ARL14EP: variants seen among roughly 807,000 people sequenced by gnomAD.
ARL14EP encodes the protein ARL14 effector protein.
ARL14EP carries 12 observed loss-of-function variants against 23.1 expected under a neutral mutation model. The ratio of observed to expected loss-of-function variants is 0.52; its 90% CI spans 0.33 to 0.84. The LOEUF (loss-of-function observed/expected upper bound fraction) is 0.84, where lower values mean the gene tolerates loss of function less well. Among genes scored for constraint, ARL14EP ranks in the 40% least tolerant of loss-of-function variants. The pLI, the probability that ARL14EP is intolerant of heterozygous loss-of-function variation, is 0.02. For missense variants in ARL14EP, 253 were observed against 307.3 expected, an observed-to-expected ratio of 0.82 and a Z score of 1.32; for synonymous variants, 97 against 102.0, an observed-to-expected ratio of 0.95 and a Z score of 0.29.
chr11:30,332,815 C>T, intron 2 of ARL14EP, 51 bp from the exon 3 acceptor site: 1 of 1,597,420 alleles, frequency 6.3e-7, no homozygotes, highest in South Asian at 1.1e-5. Flanking sequence ...AAATGTTAAT[C>T]TGTTGTCTGT....
In ARL14EP at chr11:30,331,227, T is replaced by G. The variant is rs1320574485; in HGVS notation, c.279T>G (p.Ile93Met). The change falls in exon 2 of 4, where the codon ATT (isoleucine) becomes ATG (methionine). Residue 93 changes from isoleucine (I) to methionine (M), a missense_variant. By Grantham distance (10) the Ile-to-Met change is conservative. Transcript: ENST00000282032. ...KKLAKKNLHV[I>M]DLDDATFLSA... ...TAGCCAAAAAAAATTTGCATGTAAT[T>G]GACTTAGATGATGCCACTTTTCTGA... 6.2e-7 allele frequency: 1 copy of G among 1,613,990 alleles called. No individual in the cohort carries two copies. The highest frequency in any genetic ancestry group is 1.1e-5 in the South Asian group (1 of 91,076).
At chr11:30,336,436 A>G (rs1252269252) in intron 3 of ARL14EP, 131 bp from the exon 4 acceptor site, 1 of 812,116 alleles carries the variant, frequency 1.2e-6, no homozygotes, top group South Asian at 1.8e-5. Flanking sequence ...CTTGAGCCTG[A>G]TAAATTATAG....
At chr11:30,328,926 A>AT (rs1175840071) in intron 1 of ARL14EP, 2 of 151,920 alleles carry the variant, frequency 1.3e-5, no homozygotes, top group Non-Finnish European at 2.9e-5. Flanking sequence ...AATGAGTTGC[A>AT]TTGGTTGCAT....
Position 30,337,702 on chromosome 11 carries a change from C to G in ARL14EP, c.*907C>G, listed in dbSNP as rs747646404. On this transcript the variant is annotated 3_prime_UTR_variant, in exon 4 of 4. Transcript: ENST00000282032. ...TAGAAATATTTCACAACATTGAAAG[C>G]ACAAGCAATAAAAGGGTGGAAGCTG... 2 of 151,564 alleles carry G rather than the reference C, an allele frequency of 1.3e-5. No homozygotes were observed. Among genetic ancestry groups the G allele is most frequent in the Non-Finnish European group, 2.9e-5 (2 of 67,878 alleles). The allele number at this position is 151,564 out of a possible 1,614,324, so 9.4% of individuals were successfully genotyped here.
chr11:30,325,856 A>G (rs193124606), intron 1 of ARL14EP, among the ~76,000 whole-genome samples: 1 of 152,352 alleles, frequency 6.6e-6, no homozygotes, highest in East Asian at 1.9e-4. Flanking sequence ...CCTTCAGCAG[A>G]TAGAATTTAC....
Position 30,336,874 on chromosome 11 carries a change from AT to A in ARL14EP, c.*81del. On this transcript the variant is annotated 3_prime_UTR_variant, in exon 4 of 4. Transcript: ENST00000282032. Reference sequence around the variant, plus strand: ...TACTCTAAGATACATTTTAAGCTTGATTATCATATGACAAAGATTTTAAAAC... The same window carrying A: ...TACTCTAAGATACATTTTAAGCTTGATATCATATGACAAAGATTTTAAAAC... The A allele has an allele frequency of 7.7e-7, 1 of 1,302,956 alleles. No individual in the cohort carries two copies. The highest frequency in any genetic ancestry group is 1.1e-6 in the Non-Finnish European group (1 of 915,138). The allele number at this position is 1,302,956 out of a possible 1,614,324, so 80.7% of individuals were successfully genotyped here.
chr11:30,324,018 C>T (rs1392816402), intron 1 of ARL14EP, among the ~76,000 whole-genome samples: 9 of 152,166 alleles, frequency 5.9e-5, no homozygotes, highest in East Asian at 1.9e-4. Context: ...AGGATTGAGA[C>T]TCTCCTCTTT....
chr11:30,327,754 C>T (rs953941822), intron 1 of ARL14EP, among the ~76,000 whole-genome samples: 11 of 144,486 alleles, frequency 7.6e-5, no homozygotes, highest in African/African-American at 2.1e-4. Context: ...GTCAGGAGAT[C>T]GAGACCATCC....
chr11:30,330,000 A>G (rs1947269714), intron 1 of ARL14EP: 1 of 152,076 alleles, frequency 6.6e-6, no homozygotes, highest in African/African-American at 2.4e-5. Context: ...ATTTTCTCAT[A>G]AACATGTTTA....
intron 3 of ARL14EP, among the ~76,000 whole-genome samples, chr11:30,333,651 T>A (rs1947304690): frequency 6.6e-6 from 1 of 152,182 alleles, no homozygotes; most frequent in South Asian, 2.1e-4. Context: ...CCCTATTCCC[T>A]GAGAAACAAA....
chr11:30,331,940 G>T, intron 2 of ARL14EP: 1 of 364,690 alleles, frequency 2.7e-6, no homozygotes, highest in Non-Finnish European at 3.8e-6. Flanking sequence ...GCTAATTTTA[G>T]GACTCCTTGA....
intron 3 of ARL14EP, 34 bp from the exon 4 acceptor site, chr11:30,336,527 CATATTT>C (rs1565010995): frequency 7.0e-7 from 1 of 1,430,462 alleles, no homozygotes; most frequent in East Asian, 2.3e-5. Flanking sequence ...TCAAAAATAA[CATATTT>C]ATGAGGTATA....
chr11:30,335,074 A>G (rs942659384), intron 3 of ARL14EP, among the ~76,000 whole-genome samples: 10 of 152,222 alleles, frequency 6.6e-5, no homozygotes, highest in African/African-American at 2.4e-4. Context: ...AGGATTCACC[A>G]TTCCAAGAGT....
rs1035534810 is a variant in ARL14EP at position 30,323,140 on chromosome 11, C to G, written c.-126C>G. 6.6e-6 allele frequency: 1 copy of G among 152,556 alleles called. No individual in the cohort carries two copies. Among genetic ancestry groups the G allele is most frequent in the Non-Finnish European group, 1.5e-5 (1 of 68,340 alleles). 9.5% of individuals were successfully genotyped at this position (152,556 alleles called of 1,614,324 possible). On this transcript the variant is annotated 5_prime_UTR_variant, in exon 1 of 4. Transcript: ENST00000282032. ...GGGGACTGGCTGGGAAGCGGTCGGT[C>G]GAGTGTGGCCTGTGTGGACTCGCAT...
At chr11:30,323,772 G>A (rs1001779988) in intron 1 of ARL14EP, among the ~76,000 whole-genome samples, 1 of 152,230 alleles carries the variant, frequency 6.6e-6, no homozygotes, top group South Asian at 2.1e-4. Context: ...GGGTTTGGGG[G>A]CACTCTGTTA....
chr11:30,331,053 A>C lies in ARL14EP; in HGVS notation c.105A>C (p.Ser35=). 3 of 1,613,950 alleles carry C rather than the reference A, an allele frequency of 1.9e-6. No individual in the cohort carries two copies. Among genetic ancestry groups the C allele is most frequent in the South Asian group, 1.1e-5 (1 of 91,082 alleles). The change falls in exon 2 of 4, where the codon TCA becomes TCC. Residue 35 remains serine, a synonymous_variant. Transcript: ENST00000282032. ...GTTTTAAGACTTTGCAAGAATTGTC[A>C]TCAAATGATATGCTTTTACTTCAAC... ...HTGFKTLQEL[S]SNDMLLLQLR...
At position 30,330,900 on chromosome 11, in the gene ARL14EP, G is replaced by A. The variant is rs747967388; in HGVS notation, c.-49G>A. On this transcript the variant is annotated 5_prime_UTR_variant, in exon 2 of 4. It removes an upstream start codon present in the reference 5' UTR. Transcript: ENST00000282032. ...ATTTTCTCTAGGGTGATCAGCCCATGACCTAAACCTCCAGACAAAATAAAA... is the reference window on the plus strand; with the variant it reads ...ATTTTCTCTAGGGTGATCAGCCCATAACCTAAACCTCCAGACAAAATAAAA... The A allele has an allele frequency of 2.4e-5, 38 of 1,560,514 alleles. No homozygotes were observed. Among genetic ancestry groups the A allele is most frequent in the Non-Finnish European group, 3.1e-5 (36 of 1,143,214 alleles).
At chr11:30,326,049 C>T (rs1222215) in intron 1 of ARL14EP, among the ~76,000 whole-genome samples, 24,797 of 152,110 alleles carry the variant, frequency 0.16, 2,324 homozygotes, top group East Asian at 0.23. Context: ...CTTAGTGTAT[C>T]GAATTTAAAT....
intron 1 of ARL14EP, among the ~76,000 whole-genome samples, chr11:30,327,760 C>T (rs1947248287): frequency 6.9e-6 from 1 of 144,552 alleles, no homozygotes; most frequent in Non-Finnish European, 1.5e-5. Flanking sequence ...AGATCGAGAC[C>T]ATCCTGGCTA....
Sources: gnomAD v4.1 joint callset for allele counts (sites outside exome capture counted in the v4.1 genomes callset) on GRCh38, gnomAD v4.1.1 for gene constraint, MANE v1.5 for transcripts, NCBI Gene and HGNC (gene_info 2026-07-23, HGNC 2026-07-21) for gene names.